MPPED2: variants seen among roughly 807,000 people sequenced by gnomAD.
The protein encoded by MPPED2 is metallophosphoesterase domain containing 2.
MPPED2 carries 5 observed loss-of-function variants against 33.0 expected under a neutral mutation model. That is an observed-to-expected ratio of 0.15 (90% CI 0.08 to 0.32). The LOEUF is 0.32. Ranked by LOEUF, MPPED2 falls within the 10% of genes least tolerant of loss-of-function variation. MPPED2 has a pLI of 1.00. For synonymous variants in MPPED2, 136 were observed against 141.9 expected, an observed-to-expected ratio of 0.96 and a Z score of 0.29; for missense variants, 275 against 372.1, an observed-to-expected ratio of 0.74 and a Z score of 2.15.
At chr11:30,412,604 T>C (rs1402198919) in intron 6 of MPPED2, among the ~76,000 whole-genome samples, 1 of 152,144 alleles carries the variant, frequency 6.6e-6, no homozygotes, top group African/African-American at 2.4e-5. Context: ...AAAAATCTCT[T>C]AAGAAAAGAA....
At chr11:30,505,572 G>T (rs931382704) in intron 3 of MPPED2, among the ~76,000 whole-genome samples, 14 of 152,166 alleles carry the variant, frequency 9.2e-5, no homozygotes, top group African/African-American at 3.4e-4. Flanking sequence ...ACAAATGAGG[G>T]TCTTGGCTTA....
chr11:30,424,203 T>G (rs1948734894), intron 4 of MPPED2, among the ~76,000 whole-genome samples: 1 of 152,142 alleles, frequency 6.6e-6, no homozygotes, highest in Non-Finnish European at 1.5e-5. Context: ...AAGCGGTTAC[T>G]TTGGGTCCTT....
intron 4 of MPPED2, among the ~76,000 whole-genome samples, chr11:30,455,345 T>C (rs1379073296): frequency 1.3e-5 from 2 of 152,176 alleles, no homozygotes; most frequent in Admixed American, 1.3e-4. Flanking sequence ...CCACAAGCTC[T>C]GCCAGTGACC....
rs369925319 is a variant in MPPED2, at chr11:30,536,139, C to T, written c.165G>A (p.Ala55=). The T allele has an allele frequency of 5.6e-6, 9 of 1,611,010 alleles. 1 individual carries two copies. The highest frequency in any genetic ancestry group is 3.3e-5 in the South Asian group (3 of 90,654). Residue 55 remains alanine (A), a synonymous_variant, in exon 3 of 7, where the codon GCG becomes GCA. Transcript: ENST00000358117. ...DPIPYDTPKP[A]GHTRFVCISD... is the part of the protein sequence containing the mutation. Reference sequence around the variant, plus strand: ...AGATGCAGACAAACCGCGTGTGGCCCGCTGGTTTTGGAGTGTCATATGGGA... The same window carrying T: ...AGATGCAGACAAACCGCGTGTGGCCTGCTGGTTTTGGAGTGTCATATGGGA...
At chr11:30,555,826 GA>G (rs1313454314) in intron 2 of MPPED2, among the ~76,000 whole-genome samples, 1 of 152,026 alleles carries the variant, frequency 6.6e-6, no homozygotes, top group African/African-American at 2.4e-5. Flanking sequence ...ATGAACCAAT[GA>G]AAAAAACAAA....
intron 2 of MPPED2, among the ~76,000 whole-genome samples, chr11:30,556,957 A>G (rs1455663213): frequency 6.6e-6 from 1 of 151,994 alleles, no homozygotes; most frequent in Admixed American, 6.6e-5. Flanking sequence ...GGGCAATAAG[A>G]TGAGGAAAAG....
intron 2 of MPPED2, among the ~76,000 whole-genome samples, chr11:30,557,022 G>A: frequency 6.6e-6 from 1 of 151,788 alleles, no homozygotes. Context: ...TACACTCTAG[G>A]CTATCACAAA....
intron 4 of MPPED2, among the ~76,000 whole-genome samples, chr11:30,487,277 A>G (rs996351264): frequency 6.6e-6 from 1 of 152,212 alleles, no homozygotes; most frequent in African/African-American, 2.4e-5. Flanking sequence ...GGCCCATGGC[A>G]GGTCTGACTG....
chr11:30,484,329 C>T (rs1476129163), intron 4 of MPPED2, among the ~76,000 whole-genome samples: 1 of 152,092 alleles, frequency 6.6e-6, no homozygotes, highest in East Asian at 1.9e-4. Context: ...TATTTCTTTT[C>T]TTGCTACAAA....
rs1042937049 is a variant in MPPED2 at position 30,410,471 on chromosome 11, G to T, written c.*997C>A. 4 of 985,638 alleles carry T rather than the reference G, an allele frequency of 4.1e-6. No homozygotes were observed. The highest frequency in any genetic ancestry group is 4.8e-6 in the Non-Finnish European group (4 of 829,930). 61.1% of individuals were successfully genotyped at this position (985,638 alleles called of 1,614,324 possible). Reference sequence around the variant, plus strand: ...AGAGGAAGTAAGAAGACAACTTGGGGTATTTAAATAGAAAGGACAACTAAG... The same window carrying T: ...AGAGGAAGTAAGAAGACAACTTGGGTTATTTAAATAGAAAGGACAACTAAG... On this transcript the variant is annotated 3_prime_UTR_variant, in exon 7 of 7. Transcript: ENST00000358117.
At position 30,580,511 on chromosome 11, in the gene MPPED2, AT is replaced by A. The variant is rs1957116988; in HGVS notation, c.-121-18del. 5 of 1,419,758 alleles carry A rather than the reference AT, an allele frequency of 3.5e-6. No homozygotes were observed. Among genetic ancestry groups the A allele is most frequent in the African/African-American group, 2.9e-5 (2 of 69,492 alleles). 87.9% of individuals were successfully genotyped at this position (1,419,758 alleles called of 1,614,324 possible). A position where few individuals can be genotyped will look rare whatever the true frequency, so the allele number is the denominator to read the frequency against. On this transcript the variant is annotated intron_variant, in intron 1 of 6. Coordinates refer to ENST00000358117, the MANE Select transcript of MPPED2 (RefSeq NM_001584.3). ...TGTGCATTTCTGAAAGAAAAAAAAAATGTATATAAAATGAGAACAAAGAGAA... is the reference window on the plus strand; with the variant it reads ...TGTGCATTTCTGAAAGAAAAAAAAAAGTATATAAAATGAGAACAAAGAGAA...
chr11:30,475,675 T>C (rs1450229699), intron 4 of MPPED2, among the ~76,000 whole-genome samples: 1 of 152,204 alleles, frequency 6.6e-6, no homozygotes, highest in Non-Finnish European at 1.5e-5. Context: ...TACAGGTTGT[T>C]TCCTGGTGTT....
At chr11:30,484,696 A>T (rs1009947051) in intron 4 of MPPED2, among the ~76,000 whole-genome samples, 1 of 152,348 alleles carries the variant, frequency 6.6e-6, no homozygotes, top group Admixed American at 6.5e-5. Context: ...GTCTTCATTT[A>T]ACAGACGTCT....
intron 1 of MPPED2, among the ~76,000 whole-genome samples, chr11:30,583,758 C>T (rs1444065188): frequency 2.0e-5 from 3 of 152,164 alleles, no homozygotes; most frequent in Non-Finnish European, 4.4e-5. Flanking sequence ...AACTCATGAC[C>T]TCTCTACCCC....
intron 4 of MPPED2, among the ~76,000 whole-genome samples, chr11:30,439,425 T>A (rs1949468482): frequency 6.6e-6 from 1 of 152,218 alleles, no homozygotes; most frequent in South Asian, 2.1e-4. Flanking sequence ...TAGACTCAGA[T>A]GTTTCCTATT....
At chr11:30,537,948 C>A (rs546851215) in intron 2 of MPPED2, among the ~76,000 whole-genome samples, 1 of 152,022 alleles carries the variant, frequency 6.6e-6, no homozygotes, top group Non-Finnish European at 1.5e-5. Context: ...CACTCAGTCT[C>A]GGTGCTTACA....
At position 30,452,196 on chromosome 11, in the gene MPPED2, C is replaced by G; in HGVS notation, c.537-34563G>C. ...ATTCTTGAGCTCCAAACAGAATCCTCCCTGCACCCAGCACTCTGGCTGCAC... is the reference window on the plus strand; with the variant it reads ...ATTCTTGAGCTCCAAACAGAATCCTGCCTGCACCCAGCACTCTGGCTGCAC... On this transcript the variant is annotated intron_variant, in intron 4 of 6. Transcript: ENST00000358117. 10 of 587,706 alleles carry G rather than the reference C, an allele frequency of 1.7e-5. No individual in the cohort carries two copies. The South Asian group carries it at 7.5e-4, about 44-fold the overall frequency. The allele number at this position is 587,706 out of a possible 1,614,324, so 36.4% of individuals were successfully genotyped here. A position where few individuals can be genotyped will look rare whatever the true frequency, so the allele number is the denominator to read the frequency against.
intron 2 of MPPED2, among the ~76,000 whole-genome samples, chr11:30,537,381 C>A (rs1954867504): frequency 6.6e-6 from 1 of 152,108 alleles, no homozygotes; most frequent in East Asian, 1.9e-4. Context: ...ATATCCCAGC[C>A]CCAACCCTTG....
intron 4 of MPPED2, among the ~76,000 whole-genome samples, chr11:30,461,011 T>C (rs1343297426): frequency 6.6e-6 from 1 of 152,220 alleles, no homozygotes; most frequent in East Asian, 1.9e-4. Flanking sequence ...CAAAATGTGA[T>C]ATATAAACAC....
Sources: allele counts gnomAD v4.1 joint callset (sites outside exome capture counted in the v4.1 genomes callset), GRCh38; gene constraint gnomAD v4.1.1; transcripts MANE v1.5; gene names NCBI Gene and HGNC (gene_info 2026-07-23, HGNC 2026-07-21).